The following OR3A2 variants were observed in gnomAD, a reference collection of about 807,000 sequenced individuals.
The protein encoded by OR3A2 is olfactory receptor 3A2.
For missense variants in OR3A2, 318 were observed against 392.8 expected (o/e 0.81, Z 1.61); for synonymous variants, 126 against 159.3 (o/e 0.79, Z 1.57).
intron 2 of OR3A2, among the ~76,000 whole-genome samples, chr17:3,353,410 G>A (rs1050694019): frequency 2.0e-5 from 3 of 151,888 alleles, no homozygotes; most frequent in Non-Finnish European, 2.9e-5. Context: ...TAACAATAGT[G>A]AAAGTGGACA....
At chr17:3,302,108 G>A (rs2048970600) in intron 3 of OR3A2, among the ~76,000 whole-genome samples, 1 of 152,130 alleles carries the variant, frequency 6.6e-6, no homozygotes, top group South Asian at 2.1e-4. Context: ...ACAAACAAAT[G>A]GAAGAACATT....
chr17:3,360,126 CATG>C (rs1423838739), intron 2 of OR3A2, among the ~76,000 whole-genome samples: 1 of 151,770 alleles, frequency 6.6e-6, no homozygotes, highest in Admixed American at 6.6e-5. Context: ...ACTGGTGTGA[CATG>C]ATATCTCATT....
At chr17:3,297,959 G>A (rs1054703068) in intron 3 of OR3A2, among the ~76,000 whole-genome samples, 2 of 151,852 alleles carry the variant, frequency 1.3e-5, no homozygotes, top group South Asian at 2.1e-4. Flanking sequence ...TCTAGATGGC[G>A]TGGGGTTTCT....
At chr17:3,343,041 G>A (rs914752482) in intron 2 of OR3A2, among the ~76,000 whole-genome samples, 8 of 152,206 alleles carry the variant, frequency 5.3e-5, no homozygotes, top group African/African-American at 1.2e-4. Flanking sequence ...GCAAGGCTCC[G>A]TGGGCATGGG....
At chr17:3,383,002 G>C (rs1423566215) in intron 2 of OR3A2, among the ~76,000 whole-genome samples, 1 of 152,212 alleles carries the variant, frequency 6.6e-6, no homozygotes, top group Admixed American at 6.5e-5. Flanking sequence ...CATACGGCTA[G>C]AGCATTGTGT....
chr17:3,384,976 G>A (rs1327616081), intron 1 of OR3A2, among the ~76,000 whole-genome samples: 1 of 152,164 alleles, frequency 6.6e-6, no homozygotes, highest in Non-Finnish European at 1.5e-5. Flanking sequence ...TGGATCACCT[G>A]AGATCGGGAG....
chr17:3,283,468 G>A lies in OR3A2; in HGVS notation c.-7+890C>T, dbSNP rs542044817. Among the ~76,000 whole-genome samples the A allele has an allele frequency of 5.9e-5, 9 of 152,208 alleles. No homozygotes were observed. The East Asian group carries it at 7.7e-4, about 13-fold the overall frequency. On this transcript the variant is annotated intron_variant, in intron 1 of 1. Transcript: ENST00000642052. ...TCGAACTCCTGACCTCAGGTGATCC[G>A]CCCACCTCAGCCTCCCAAAGTGCTG...
At chr17:3,382,529 C>T (rs559128051) in intron 2 of OR3A2, among the ~76,000 whole-genome samples, 2 of 152,356 alleles carry the variant, frequency 1.3e-5, no homozygotes, top group African/African-American at 2.4e-5. Context: ...TGGCATGCTG[C>T]CCTTCAGGTG....
chr17:3,307,401 T>C (rs975280653), intron 3 of OR3A2, among the ~76,000 whole-genome samples: 1 of 152,224 alleles, frequency 6.6e-6, no homozygotes, highest in Non-Finnish European at 1.5e-5. Context: ...AACTCCTCCT[T>C]GGCCCATGAC....
chr17:3,371,760 A>G (rs1399694300), intron 2 of OR3A2, among the ~76,000 whole-genome samples: 3 of 125,014 alleles, frequency 2.4e-5, no homozygotes, highest in Non-Finnish European at 5.0e-5. Flanking sequence ...CTCACTTCCC[A>G]GTAGGGGCGG....
chr17:3,340,599 G>T (rs1418298619), intron 2 of OR3A2, among the ~76,000 whole-genome samples: 1 of 149,332 alleles, frequency 6.7e-6, no homozygotes, highest in African/African-American at 2.5e-5. Flanking sequence ...TCTTAATCTT[G>T]AATTCTAATT....
At chr17:3,347,978 C>T (rs1310190164) in intron 2 of OR3A2, among the ~76,000 whole-genome samples, 1 of 152,168 alleles carries the variant, frequency 6.6e-6, no homozygotes, top group Non-Finnish European at 1.5e-5. Context: ...TTTTGATTTG[C>T]ATTTCTCTGA....
chr17:3,297,810 T>C (rs1230196027), intron 3 of OR3A2, among the ~76,000 whole-genome samples: 1 of 152,130 alleles, frequency 6.6e-6, no homozygotes, highest in Non-Finnish European at 1.5e-5. Context: ...AGCATCAGAT[T>C]GGGCTGTAGG....
At chr17:3,289,185 C>G (rs2048841903), upstream of OR3A2, among the ~76,000 whole-genome samples, 1 of 152,172 alleles carries the variant, frequency 6.6e-6, no homozygotes, top group Admixed American at 6.5e-5. Context: ...GATAAGATTA[C>G]TGTGCGGATG....
At chr17:3,352,072 C>G (rs1314361559) in intron 2 of OR3A2, among the ~76,000 whole-genome samples, 1 of 151,968 alleles carries the variant, frequency 6.6e-6, no homozygotes, top group Non-Finnish European at 1.5e-5. Context: ...AATATCTATT[C>G]TAATCTTTTG....
chr17:3,344,606 C>T (rs1193986385), intron 2 of OR3A2, among the ~76,000 whole-genome samples: 1 of 152,198 alleles, frequency 6.6e-6, no homozygotes, highest in Non-Finnish European at 1.5e-5. Context: ...ACTACTGCCA[C>T]TTATAGTCAT....
At chr17:3,306,679 C>CAAAAAAA (rs71153340) in intron 3 of OR3A2, among the ~76,000 whole-genome samples, 5 of 109,294 alleles carry the variant, frequency 4.6e-5, no homozygotes, top group East Asian at 2.1e-4. Flanking sequence ...TACTACTCTT[C>CAAAAAAA]AAAAAAAAAA....
chr17:3,380,407 G>A (rs764302802), intron 2 of OR3A2, among the ~76,000 whole-genome samples: 9 of 152,120 alleles, frequency 5.9e-5, no homozygotes, highest in Non-Finnish European at 7.4e-5. Context: ...ACAGTTCTCC[G>A]GGTGCTGCTT....
chr17:3,372,148 G>T (rs1417196261), intron 2 of OR3A2, among the ~76,000 whole-genome samples: 1 of 150,908 alleles, frequency 6.6e-6, no homozygotes, highest in African/African-American at 2.4e-5. Flanking sequence ...CCCAGACAGG[G>T]TCGCGGCCGG....
Sources: allele counts gnomAD v4.1 joint callset (sites outside exome capture counted in the v4.1 genomes callset), GRCh38; gene constraint gnomAD v4.1.1; transcripts MANE v1.5; gene names NCBI Gene and HGNC (gene_info 2026-07-23, HGNC 2026-07-21).